Variants in ASB18 observed in about 807,000 individuals in gnomAD.
ASB18 encodes the protein ankyrin repeat and SOCS box containing 18, also known as ankyrin repeat and SOCS box protein 18.
In ASB18, 33 loss-of-function variants were observed where a neutral mutation model predicts 33.4. That is an observed-to-expected ratio of 0.99 (90% CI 0.75 to 1.32). The LOEUF (loss-of-function observed/expected upper bound fraction) is 1.32. ASB18 is among the 40% of genes most tolerant of loss of function. ASB18 has a pLI of 0.00. For synonymous variants in ASB18, 295 were observed against 307.6 expected, an observed-to-expected ratio of 0.96 and a Z score of 0.43; for missense variants, 694 against 655.5, an observed-to-expected ratio of 1.06 and a Z score of -0.64.
At position 236,256,199 on chromosome 2, in the gene ASB18, G is replaced by GT. The variant is rs1179835992; in HGVS notation, c.205+7941dup. 2.6e-5 allele frequency among the ~76,000 whole-genome samples: 4 copies of GT among 151,980 alleles called. No individual in the cohort carries two copies. Among genetic ancestry groups the GT allele is most frequent in the Non-Finnish European group, 4.4e-5 (3 of 68,014 alleles). On this transcript the variant is annotated intron_variant, in intron 1 of 5. Coordinates refer to ENST00000409749, the MANE Select transcript of ASB18 (RefSeq NM_212556.4). This position sits in a 1 kb window ranked among gnomAD's most constrained non-coding sequence, Gnocchi z 4.7. Reference sequence around the variant, plus strand: ...TGCCATCATGCCCAGGCTAATTGGTGTATTTTTTGTAGAGATAGAGTCTTG... The same window carrying GT: ...TGCCATCATGCCCAGGCTAATTGGTGTTATTTTTTGTAGAGATAGAGTCTTG...
rs181012003 is a variant in ASB18, at chr2:236,259,672, G to A, written c.205+4469C>T. On this transcript the variant is annotated intron_variant, in intron 1 of 5. Coordinates refer to ENST00000409749, the MANE Select transcript of ASB18 (RefSeq NM_212556.4). The surrounding 1 kb of genome is among the most constrained non-coding windows in gnomAD (Gnocchi z 4.4). Reference sequence around the variant, plus strand: ...GGGATGCTGACTGTAGAGCGTGGGGGGCTCAGCCTCAGTGAGCCCAGCAGG... The same window carrying A: ...GGGATGCTGACTGTAGAGCGTGGGGAGCTCAGCCTCAGTGAGCCCAGCAGG... 4.0e-5 allele frequency: 18 copies of A among 450,768 alleles called. No individual in the cohort carries two copies. The East Asian group carries it at 7.9e-4, about 20-fold the overall frequency. 27.9% of individuals were successfully genotyped at this position (450,768 alleles called of 1,614,324 possible). A position where few individuals can be genotyped will look rare whatever the true frequency, so the allele number is the denominator to read the frequency against.
intron 4 of ASB18, among the ~76,000 whole-genome samples, chr2:236,212,111 G>C (rs1488082969): frequency 6.6e-6 from 1 of 152,158 alleles, no homozygotes; most frequent in Non-Finnish European, 1.5e-5. Context: ...TTCCAGGATG[G>C]GTGGGAACTG....
chr2:236,255,581 C>G lies in ASB18; in HGVS notation c.205+8560G>C, dbSNP rs1301311597. The stretch of plus-strand genomic sequence containing the variant: ...AGGGTGGCTGTGAGGGAATAGCTAG[C>G]AGCTGGTGGCCTCTCCTGGCACCTG... On this transcript the variant is annotated intron_variant, in intron 1 of 5. Transcript: ENST00000409749. The surrounding 1 kb of genome is among the most constrained non-coding windows in gnomAD (Gnocchi z 4.4). 6.6e-6 allele frequency among the ~76,000 whole-genome samples: 1 copy of G among 152,204 alleles called. No individual in the cohort carries two copies. The highest frequency in any genetic ancestry group is 1.5e-5 in the Non-Finnish European group (1 of 68,026).
In ASB18 at chr2:236,237,818, A is replaced by T; in HGVS notation, c.467T>A (p.Leu156Gln). 1 of 1,376,698 alleles carries T rather than the reference A, an allele frequency of 7.3e-7. No individual in the cohort carries two copies. The allele number at this position is 1,376,698 out of a possible 1,614,324, so 85.3% of individuals were successfully genotyped here. A position where few individuals can be genotyped will look rare whatever the true frequency, so the allele number is the denominator to read the frequency against. Residue 156 changes from leucine to glutamine, a missense_variant, in exon 3 of 6, where the codon CTG becomes CAG. Transcript: ENST00000409749. The surrounding 1 kb of genome is among the most constrained non-coding windows in gnomAD (Gnocchi z 6.2). Reference sequence around the variant, plus strand: ...GTGGCCCCCGAGGCAGGCCTCGTGCAGGGCGCCGCGGCCGCCGGGGCTGGC... The same window carrying T: ...GTGGCCCCCGAGGCAGGCCTCGTGCTGGGCGCCGCGGCCGCCGGGGCTGGC... ...PDASPGGRGALHEACLGGHTA... is the reference protein window; with the variant it reads ...PDASPGGRGAQHEACLGGHTA...
chr2:236,214,315 TG>T lies in ASB18; in HGVS notation c.1101+46del. ...CCCAGCTCCCAGGCCGGTCACTAAG[TG>T]GCAAAACTCCAGGGCACGTGCCAGC... On this transcript the variant is annotated intron_variant, in intron 4 of 5. Transcript: ENST00000409749. This position sits in a 1 kb window ranked among gnomAD's most constrained non-coding sequence, Gnocchi z 6.5. 1 of 1,536,414 alleles carries T rather than the reference TG, an allele frequency of 6.5e-7. No homozygotes were observed. Among genetic ancestry groups the T allele is most frequent in the African/African-American group, 1.4e-5 (1 of 72,188 alleles).
At position 236,237,896 on chromosome 2, in the gene ASB18, T is replaced by C; in HGVS notation, c.389A>G (p.His130Arg). The C allele has an allele frequency of 6.7e-7, 1 of 1,497,944 alleles. No individual in the cohort carries two copies. The highest frequency in any genetic ancestry group is 8.8e-7 in the Non-Finnish European group (1 of 1,130,904). 92.8% of individuals were successfully genotyped at this position (1,497,944 alleles called of 1,614,324 possible). Residue 130 changes from histidine to arginine, a missense_variant, in exon 3 of 6, where the codon CAC becomes CGC. Transcript: ENST00000409749. The surrounding 1 kb of genome is among the most constrained non-coding windows in gnomAD (Gnocchi z 6.2). Reference sequence around the variant, plus strand: ...GTGTCGCACGCAGGCGGTGTGGCCGTGGGCCGCGGCGATGCACAGGGGCGT... The same window carrying C: ...GTGTCGCACGCAGGCGGTGTGGCCGCGGGCCGCGGCGATGCACAGGGGCGT... ...LTTPLCIAAA[H>R]GHTACVRHLL...
chr2:236,236,498 C>A (rs978560740), intron 3 of ASB18, among the ~76,000 whole-genome samples: 2 of 152,158 alleles, frequency 1.3e-5, no homozygotes, highest in East Asian at 3.9e-4. Flanking sequence ...TCAAATTGTA[C>A]GCCTTAAACA....
chr2:236,218,305 G>A (rs1356992314), intron 3 of ASB18, among the ~76,000 whole-genome samples: 2 of 151,430 alleles, frequency 1.3e-5, no homozygotes, highest in Admixed American at 6.6e-5. Flanking sequence ...GCAGAACCAC[G>A]GGCATGGGAA....
intron 4 of ASB18, among the ~76,000 whole-genome samples, chr2:236,206,763 A>T (rs2060436128): frequency 6.6e-6 from 1 of 152,254 alleles, no homozygotes; most frequent in Non-Finnish European, 1.5e-5. Context: ...CAAACTGCTG[A>T]GATTCCAACA....
In ASB18 at chr2:236,248,772, T is replaced by C. The variant is rs2060656529; in HGVS notation, c.206-7370A>G. On this transcript the variant is annotated intron_variant, in intron 1 of 5. Coordinates refer to ENST00000409749, the MANE Select transcript of ASB18 (RefSeq NM_212556.4). This position sits in a 1 kb window ranked among gnomAD's most constrained non-coding sequence, Gnocchi z 4.9. Reference sequence around the variant, plus strand: ...GATACATATCGTGATTTGAATGAATTTGTGGAAGGGTAGCTATCAGATGCG... The same window carrying C: ...GATACATATCGTGATTTGAATGAATCTGTGGAAGGGTAGCTATCAGATGCG... 1 of 152,128 alleles carries C rather than the reference T, an allele frequency of 6.6e-6. No individual in the cohort carries two copies. Among genetic ancestry groups the C allele is most frequent in the Admixed American group, 6.5e-5 (1 of 15,276 alleles). The allele number at this position is 152,128 out of a possible 1,614,324, so 9.4% of individuals were successfully genotyped here.
rs545445098 is a variant in ASB18 at position 236,255,633 on chromosome 2, C to A, written c.205+8508G>T. ...CCTTTCTCCTCTATCTTCTGCTTTA[C>A]CTAAGTAAAAGAGTCAGGTGTTTTC... On this transcript the variant is annotated intron_variant, in intron 1 of 5. Transcript: ENST00000409749. The surrounding 1 kb of genome is among the most constrained non-coding windows in gnomAD (Gnocchi z 4.4). Among the ~76,000 whole-genome samples, 162 of 152,296 alleles carry A rather than the reference C, an allele frequency of 1.1e-3. No homozygotes were observed. Among genetic ancestry groups the A allele is most frequent in the African/African-American group, 3.5e-3 (144 of 41,568 alleles).
intron 4 of ASB18, among the ~76,000 whole-genome samples, chr2:236,198,657 T>C (rs7559404): frequency 0.054 from 8,203 of 152,220 alleles, 491 homozygotes; most frequent in African/African-American, 0.15. Flanking sequence ...TGAGCCACTG[T>C]GCCCAGCCCA....
At chr2:236,198,504 A>G (rs1255052426) in intron 4 of ASB18, among the ~76,000 whole-genome samples, 1 of 152,048 alleles carries the variant, frequency 6.6e-6, no homozygotes, top group Non-Finnish European at 1.5e-5. Flanking sequence ...AGTAGCTGGG[A>G]CTACAGGCAG....
rs369205255 is a variant in ASB18 at position 236,256,087 on chromosome 2, G to A, written c.205+8054C>T. Among the ~76,000 whole-genome samples, 1 of 152,130 alleles carries A rather than the reference G, an allele frequency of 6.6e-6. No homozygotes were observed. Among genetic ancestry groups the A allele is most frequent in the East Asian group, 1.9e-4 (1 of 5,184 alleles). Reference sequence around the variant, plus strand: ...CTCACTGTTGCCAGGTTGGAGTGCAGTGGCATGATCACGGTTCACTGCAGC... The same window carrying A: ...CTCACTGTTGCCAGGTTGGAGTGCAATGGCATGATCACGGTTCACTGCAGC... On this transcript the variant is annotated intron_variant, in intron 1 of 5. Transcript: ENST00000409749. The surrounding 1 kb of genome is among the most constrained non-coding windows in gnomAD (Gnocchi z 4.7).
In ASB18 at chr2:236,263,014, GTGCATGTGA is replaced by G. The variant is rs549620797; in HGVS notation, c.205+1118_205+1126del. 1.2e-3 allele frequency among the ~76,000 whole-genome samples: 183 copies of G among 152,334 alleles called. 1 individual carries two copies. Among genetic ancestry groups the G allele is most frequent in the African/African-American group, 4.4e-3 (181 of 41,572 alleles). On this transcript the variant is annotated intron_variant, in intron 1 of 5. Coordinates refer to ENST00000409749, the MANE Select transcript of ASB18 (RefSeq NM_212556.4). The surrounding 1 kb of genome is among the most constrained non-coding windows in gnomAD (Gnocchi z 4.0). The stretch of plus-strand genomic sequence containing the variant: ...TTCCTCCTGCATGTTGCGCACACGT[GTGCATGTGA>G]TGCATGTACTTGCGTGTGCGTGTGT...
At chr2:236,243,472 T>C (rs1007178554) in intron 1 of ASB18, among the ~76,000 whole-genome samples, 2 of 152,050 alleles carry the variant, frequency 1.3e-5, no homozygotes, top group African/African-American at 4.8e-5. Flanking sequence ...GTTCCAAGGG[T>C]TGTGGCCACC....
In ASB18 at chr2:236,225,558, C is replaced by CGTCA. The variant is rs2060533290; in HGVS notation, c.597-10696_597-10693dup. 1.3e-5 allele frequency among the ~76,000 whole-genome samples: 2 copies of CGTCA among 152,094 alleles called. No individual in the cohort carries two copies. Among genetic ancestry groups the CGTCA allele is most frequent in the African/African-American group, 4.8e-5 (2 of 41,422 alleles). On this transcript the variant is annotated intron_variant, in intron 3 of 5. Coordinates refer to ENST00000409749, the MANE Select transcript of ASB18 (RefSeq NM_212556.4). The surrounding 1 kb of genome is among the most constrained non-coding windows in gnomAD (Gnocchi z 5.1). ...GCTATAGACAAGAAAAAGAATAGGGCGTCAACACATTCTTTTCTTATTTTA... is the reference window on the plus strand; with the variant it reads ...GCTATAGACAAGAAAAAGAATAGGGCGTCAGTCAACACATTCTTTTCTTATTTTA...
rs573294995 is a variant in ASB18 at position 236,204,019 on chromosome 2, C to T, written c.1102-7634G>A. 2.6e-5 allele frequency among the ~76,000 whole-genome samples: 4 copies of T among 152,148 alleles called. No individual in the cohort carries two copies. Among genetic ancestry groups the T allele is most frequent in the Admixed American group, 2.6e-4 (4 of 15,278 alleles). ...TAGGGGAGAGATGGTGGTGGCCTCACCTCAGGTGGTGGCAGTCAGGAGGGT... is the reference window on the plus strand; with the variant it reads ...TAGGGGAGAGATGGTGGTGGCCTCATCTCAGGTGGTGGCAGTCAGGAGGGT... On this transcript the variant is annotated intron_variant, in intron 4 of 5. Transcript: ENST00000409749. This position sits in a 1 kb window ranked among gnomAD's most constrained non-coding sequence, Gnocchi z 5.1.
rs576523216 is a variant in ASB18, at chr2:236,245,424, G to A, written c.206-4022C>T. ...CCAGTGCCCAAGCACCTTCCCGTGA[G>A]TAAAAGGGCTTCCTACCTTGCCCTC... On this transcript the variant is annotated intron_variant, in intron 1 of 5. Coordinates refer to ENST00000409749, the MANE Select transcript of ASB18 (RefSeq NM_212556.4). This position sits in a 1 kb window ranked among gnomAD's most constrained non-coding sequence, Gnocchi z 4.7. Among the ~76,000 whole-genome samples the A allele has an allele frequency of 6.6e-6, 1 of 152,222 alleles. No homozygotes were observed. Among genetic ancestry groups the A allele is most frequent in the Non-Finnish European group, 1.5e-5 (1 of 68,038 alleles).
Sources: allele counts gnomAD v4.1 joint callset (sites outside exome capture counted in the v4.1 genomes callset), GRCh38; gene constraint gnomAD v4.1.1; non-coding constraint Gnocchi (gnomAD v3.1); transcripts MANE v1.5; gene names NCBI Gene and HGNC (gene_info 2026-07-23, HGNC 2026-07-21).